The following KLHL1 variants were observed in gnomAD, a reference collection of about 807,000 sequenced individuals.
KLHL1 encodes kelch like family member 1.
In KLHL1, 47 loss-of-function variants were observed where a neutral mutation model predicts 77.7. The ratio of observed to expected loss-of-function variants is 0.60; its 90% CI spans 0.48 to 0.77. The LOEUF (loss-of-function observed/expected upper bound fraction) is 0.77, where lower values mean the gene tolerates loss of function less well. Among genes scored for constraint, KLHL1 ranks in the 30% least tolerant of loss-of-function variants. The probability of loss-of-function intolerance (pLI) is 0.00; values close to 1 mark genes in which losing one functional copy is unlikely to be tolerated. For synonymous variants in KLHL1, 360 were observed against 325.2 expected (o/e 1.11, Z -1.15); for missense variants, 925 against 910.8 (o/e 1.02, Z -0.20).
intron 1 of KLHL1, among the ~76,000 whole-genome samples, chr13:70,001,953 A>T (rs1337974506): frequency 4.0e-5 from 6 of 151,634 alleles, no homozygotes; most frequent in Non-Finnish European, 8.9e-5. Context: ...TTCTACTGAG[A>T]CCAGAAAGAC....
At chr13:70,055,913 A>G (rs1201345225) in intron 1 of KLHL1, among the ~76,000 whole-genome samples, 2 of 152,096 alleles carry the variant, frequency 1.3e-5, no homozygotes, top group African/African-American at 4.8e-5. Flanking sequence ...GGGAAAAAAG[A>G]CCACAAAACA....
chr13:69,917,379 CAT>C (rs1190633789), intron 4 of KLHL1, among the ~76,000 whole-genome samples: 5 of 151,920 alleles, frequency 3.3e-5, no homozygotes, highest in Admixed American at 6.6e-5. Context: ...TAAGAAACTC[CAT>C]ATTACATTCA....
At chr13:69,939,328 T>C (rs1593968416) in intron 4 of KLHL1, among the ~76,000 whole-genome samples, 1 of 88,630 alleles carries the variant, frequency 1.1e-5, no homozygotes, top group African/African-American at 4.6e-5. Flanking sequence ...CTCATATATA[T>C]ACATATACAT....
At chr13:70,010,271 T>C (rs952359261) in intron 1 of KLHL1, among the ~76,000 whole-genome samples, 1 of 152,140 alleles carries the variant, frequency 6.6e-6, no homozygotes, top group Admixed American at 6.6e-5. Context: ...GAATAGATTA[T>C]TTAGACAAAG....
intron 4 of KLHL1, among the ~76,000 whole-genome samples, chr13:69,914,726 A>C (rs1384794864): frequency 6.6e-6 from 1 of 152,208 alleles, no homozygotes; most frequent in Non-Finnish European, 1.5e-5. Flanking sequence ...CAGAATTGTC[A>C]TATATAAACA....
At chr13:69,802,727 C>T (rs1877443305) in intron 6 of KLHL1, among the ~76,000 whole-genome samples, 1 of 151,944 alleles carries the variant, frequency 6.6e-6, no homozygotes, top group African/African-American at 2.4e-5. Flanking sequence ...CTCTCACGTG[C>T]ACCCCCATAG....
At chr13:69,704,816 T>C (rs1363360323) in intron 10 of KLHL1, among the ~76,000 whole-genome samples, 1 of 151,644 alleles carries the variant, frequency 6.6e-6, no homozygotes, top group Non-Finnish European at 1.5e-5. Context: ...GCTAAAAAGG[T>C]TGGCCACAGA....
At chr13:69,777,565 T>C (rs1313244666) in intron 7 of KLHL1, among the ~76,000 whole-genome samples, 1 of 152,174 alleles carries the variant, frequency 6.6e-6, no homozygotes, top group Admixed American at 6.5e-5. Context: ...ACAAAATTTG[T>C]GGTTTGCTAC....
At chr13:70,029,453 A>T (rs2137363735) in intron 1 of KLHL1, among the ~76,000 whole-genome samples, 1 of 152,332 alleles carries the variant, frequency 6.6e-6, no homozygotes, top group Admixed American at 6.5e-5. Flanking sequence ...AATATTCAAC[A>T]TTCTTAAAGA....
At chr13:69,925,520 A>C (rs1303782276) in intron 4 of KLHL1, among the ~76,000 whole-genome samples, 1 of 152,180 alleles carries the variant, frequency 6.6e-6, no homozygotes, top group African/African-American at 2.4e-5. Flanking sequence ...ATATGACAGT[A>C]TCACTAATAT....
intron 1 of KLHL1, among the ~76,000 whole-genome samples, chr13:70,067,500 G>A (rs1301690023): frequency 6.6e-6 from 1 of 152,112 alleles, no homozygotes; most frequent in African/African-American, 2.4e-5. Flanking sequence ...AGAACGAAGG[G>A]TAAGCATGAT....
At chr13:69,882,584 C>A in intron 4 of KLHL1, 89 bp from the exon 5 acceptor site, 1 of 819,892 alleles carries the variant, frequency 1.2e-6, no homozygotes, top group Non-Finnish European at 2.0e-6. Flanking sequence ...TAGTCAATAT[C>A]CTTTGTTCTT....
At chr13:70,063,692 G>T (rs923877242) in intron 1 of KLHL1, among the ~76,000 whole-genome samples, 1 of 151,850 alleles carries the variant, frequency 6.6e-6, no homozygotes. Context: ...AAAAATCAGG[G>T]TAATATTGAA....
intron 7 of KLHL1, among the ~76,000 whole-genome samples, chr13:69,793,826 G>A (rs1303149837): frequency 6.6e-6 from 1 of 152,128 alleles, no homozygotes; most frequent in Non-Finnish European, 1.5e-5. Context: ...GACATCATTT[G>A]TGACGTTCTG....
At chr13:70,039,923 T>C (rs1325688218) in intron 1 of KLHL1, among the ~76,000 whole-genome samples, 1 of 152,068 alleles carries the variant, frequency 6.6e-6, no homozygotes, top group Non-Finnish European at 1.5e-5. Flanking sequence ...TTATTTGAAC[T>C]TTAAAAAAAT....
At chr13:69,887,582 C>T (rs1046799607) in intron 4 of KLHL1, among the ~76,000 whole-genome samples, 1 of 152,158 alleles carries the variant, frequency 6.6e-6, no homozygotes, top group Admixed American at 6.5e-5. Context: ...TTTTGCCACT[C>T]ACAAGTTCTT....
At chr13:70,085,989 C>T (rs184239153) in intron 1 of KLHL1, among the ~76,000 whole-genome samples, 24 of 152,170 alleles carry the variant, frequency 1.6e-4, no homozygotes, top group African/African-American at 4.6e-4. Flanking sequence ...CTTCTCGTTA[C>T]GTATGTTTTA....
chr13:69,822,272 A>T (rs778056661), intron 6 of KLHL1, among the ~76,000 whole-genome samples: 2 of 152,112 alleles, frequency 1.3e-5, no homozygotes, highest in Non-Finnish European at 2.9e-5. Context: ...AGATTTAGAT[A>T]ATCCCAAAAG....
rs542371026 is a variant in KLHL1, at chr13:69,795,064, G to A, written c.1639+1674C>T. Among the ~76,000 whole-genome samples the A allele has an allele frequency of 1.7e-4, 26 of 152,236 alleles. No homozygotes were observed. In the South Asian group the frequency reaches 5.2e-3, roughly 30 times the overall value. On this transcript the variant is annotated intron_variant, in intron 7 of 10. Transcript: ENST00000377844. ...ATGCCGAATTTCCTATGATTCAACT[G>A]ATCATAAAGGAATAAGACTGATTAT... is the stretch of plus-strand genomic sequence containing the variant.
Sources: gnomAD v4.1 joint callset for allele counts (sites outside exome capture counted in the v4.1 genomes callset) on GRCh38, gnomAD v4.1.1 for gene constraint, MANE v1.5 for transcripts, NCBI Gene and HGNC (gene_info 2026-07-23, HGNC 2026-07-21) for gene names.